The following PLCE1 variants were observed in gnomAD, a reference collection of about 807,000 sequenced individuals.
The protein encoded by PLCE1 is phospholipase C epsilon 1.
PLCE1 carries 119 observed loss-of-function variants against 242.8 expected under a neutral mutation model. The ratio of observed to expected loss-of-function variants is 0.49; its 90% CI spans 0.42 to 0.57. The LOEUF is 0.57. Ranked by LOEUF, PLCE1 falls within the 20% of genes least tolerant of loss-of-function variation. The pLI is 0.00. For missense variants in PLCE1, 2,441 were observed against 2,788.8 expected (o/e 0.88, Z 2.81); for synonymous variants, 945 against 1,017.4 (o/e 0.93, Z 1.35).
chr10:94,313,149 T>A (rs776710195), intron 27 of PLCE1, 105 bp from the exon 28 acceptor site: 42 of 1,354,034 alleles, frequency 3.1e-5, no homozygotes, highest in Admixed American at 5.1e-5. Context: ...CTTTTGCATT[T>A]ACATGTTCCT....
chr10:94,223,528 G>A (rs1349275845), intron 4 of PLCE1, among the ~76,000 whole-genome samples: 1 of 152,212 alleles, frequency 6.6e-6, no homozygotes. Context: ...GGTATTTGAT[G>A]TGAGGAGAGG....
rs1271611192 is a variant in PLCE1 at position 94,324,478 on chromosome 10, G to A, written c.6631G>A (p.Val2211Ile). The part of the protein sequence containing the change: ...KTTTPKSSQR[V>I]LLDQECVFQA... ...TACCACACCAAAGTCCTCTCAGCGG[G>A]TCCTTCTGGATCAGGAGTGTGTGTT... The change falls in exon 31 of 33, where the codon GTC (valine) becomes ATC (isoleucine). Residue 2211 changes from valine to isoleucine, a missense_variant. Physicochemically the swap from Val to Ile is conservative, Grantham distance 29. Coordinates refer to ENST00000371380, the MANE Select transcript of PLCE1 (RefSeq NM_016341.4). 1 of 1,614,174 alleles carries A rather than the reference G, an allele frequency of 6.2e-7. No individual in the cohort carries two copies. Among genetic ancestry groups the A allele is most frequent in the Admixed American group, 1.7e-5 (1 of 60,028 alleles).
chr10:94,068,205 G>C (rs1208646718), intron 2 of PLCE1, among the ~76,000 whole-genome samples: 1 of 152,110 alleles, frequency 6.6e-6, no homozygotes, highest in East Asian at 1.9e-4. Flanking sequence ...TCCTGCAAAA[G>C]TAAGCCCAAG....
chr10:94,319,864 C>CCTTTTTTTTTTTTTTTT (rs1215283955), intron 29 of PLCE1, among the ~76,000 whole-genome samples: 1 of 92,914 alleles, frequency 1.1e-5, no homozygotes, highest in African/African-American at 3.7e-5. Flanking sequence ...CAAAGGTGCT[C>CCTTTTTTTTTTTTTTTT]TTTTTTTTTT....
At chr10:94,089,125 G>C in intron 2 of PLCE1, 1 of 1,614,012 alleles carries the variant, frequency 6.2e-7, no homozygotes, top group East Asian at 2.2e-5. Flanking sequence ...AGCAGGAAGA[G>C]ACTTTGCAGG....
chr10:94,033,392 C>T (rs1324256116), intron 2 of PLCE1, among the ~76,000 whole-genome samples: 2 of 151,896 alleles, frequency 1.3e-5, no homozygotes, highest in South Asian at 2.1e-4. Flanking sequence ...CCAGAGCAGT[C>T]GATCACCCTA....
At chr10:94,180,618 A>G (rs912290393) in intron 4 of PLCE1, among the ~76,000 whole-genome samples, 4 of 152,174 alleles carry the variant, frequency 2.6e-5, no homozygotes, top group South Asian at 2.1e-4. Context: ...CCTATTTTAC[A>G]TGAAACCCAC....
chr10:94,197,306 A>G (rs2048850852), intron 4 of PLCE1, among the ~76,000 whole-genome samples: 1 of 152,236 alleles, frequency 6.6e-6, no homozygotes, highest in South Asian at 2.1e-4. Context: ...AAATTCAAGA[A>G]AAATGTTTGA....
intron 23 of PLCE1, among the ~76,000 whole-genome samples, chr10:94,295,421 A>C (rs548995208): frequency 1.3e-5 from 2 of 152,256 alleles, no homozygotes; most frequent in Admixed American, 6.5e-5. Flanking sequence ...TTTATCACGA[A>C]ATTGCAGGAA....
At chr10:94,108,552 A>C (rs897180875) in intron 2 of PLCE1, 8 of 152,294 alleles carry the variant, frequency 5.3e-5, no homozygotes, top group African/African-American at 1.7e-4. Context: ...TAATGCAAAC[A>C]AAACACTTTT....
chr10:94,187,402 A>T (rs2048516582), intron 4 of PLCE1, among the ~76,000 whole-genome samples: 1 of 152,138 alleles, frequency 6.6e-6, no homozygotes, highest in African/African-American at 2.4e-5. Flanking sequence ...ACATGCTAGG[A>T]AAGCAATGAT....
chr10:94,292,253 C>T (rs1318091178), intron 22 of PLCE1, among the ~76,000 whole-genome samples: 2 of 152,180 alleles, frequency 1.3e-5, no homozygotes, highest in Non-Finnish European at 2.9e-5. Context: ...CTGAGCACTT[C>T]CCTGAACAAG....
At chr10:94,092,179 A>T (rs937636298) in intron 2 of PLCE1, among the ~76,000 whole-genome samples, 1 of 152,094 alleles carries the variant, frequency 6.6e-6, no homozygotes, top group South Asian at 2.1e-4. Context: ...TTGTCAATGA[A>T]TTTTTTTTAA....
chr10:94,223,253 T>G (rs1328699248), intron 4 of PLCE1, among the ~76,000 whole-genome samples: 2 of 71,738 alleles, frequency 2.8e-5, no homozygotes, highest in African/African-American at 5.7e-5. Flanking sequence ...AAAAAAAAAA[T>G]TGAATCTGGG....
At chr10:94,271,132 T>G (rs778607599) in intron 18 of PLCE1, among the ~76,000 whole-genome samples, 2 of 151,988 alleles carry the variant, frequency 1.3e-5, no homozygotes, top group Non-Finnish European at 2.9e-5. Flanking sequence ...ATATAAGTAT[T>G]GCTCTCTGGT....
chr10:94,202,613 G>T (rs895760169), intron 4 of PLCE1, among the ~76,000 whole-genome samples: 1 of 152,122 alleles, frequency 6.6e-6, no homozygotes, highest in African/African-American at 2.4e-5. Flanking sequence ...CTCTAGAGGC[G>T]CGTTATCACG....
At chr10:94,063,104 C>G (rs1296732195) in intron 2 of PLCE1, among the ~76,000 whole-genome samples, 1 of 152,190 alleles carries the variant, frequency 6.6e-6, no homozygotes, top group Non-Finnish European at 1.5e-5. Context: ...CTTCCTAATG[C>G]CTCTTCTTCC....
chr10:94,326,086 C>T (rs1020375362), intron 32 of PLCE1, among the ~76,000 whole-genome samples: 4 of 152,266 alleles, frequency 2.6e-5, no homozygotes, highest in Admixed American at 1.3e-4. Context: ...CTCTCCTTTT[C>T]GCTTAGTTTC....
At chr10:94,222,540 G>A (rs993600841) in intron 4 of PLCE1, among the ~76,000 whole-genome samples, 2 of 152,228 alleles carry the variant, frequency 1.3e-5, no homozygotes, top group Admixed American at 1.3e-4. Context: ...AGCATGCAGT[G>A]TGTGGACACA....
Sources: gnomAD v4.1 joint callset for allele counts (sites outside exome capture counted in the v4.1 genomes callset) on GRCh38, gnomAD v4.1.1 for gene constraint, MANE v1.5 for transcripts, NCBI Gene and HGNC (gene_info 2026-07-23, HGNC 2026-07-21) for gene names.